CYP4F2: variants seen among roughly 807,000 people sequenced by gnomAD.
CYP4F2 encodes cytochrome P450 family 4 subfamily F member 2.
A neutral mutation model predicts 58.9 loss-of-function variants in CYP4F2; 58 were observed. The observed-to-expected ratio is 0.98, with a 90% CI of 0.80 to 1.23. The LOEUF is 1.23. CYP4F2 is among the 50% of genes most tolerant of loss of function. The pLI, the probability that CYP4F2 is intolerant of heterozygous loss-of-function variation, is 0.00. For missense variants in CYP4F2, 616 were observed against 685.6 expected, an observed-to-expected ratio of 0.90 and a Z score of 1.13; for synonymous variants, 287 against 261.1, an observed-to-expected ratio of 1.10 and a Z score of -0.95.
At chr19:15,893,768 G>C in intron 3 of CYP4F2, 1 of 240,446 alleles carries the variant, frequency 4.2e-6, no homozygotes, top group South Asian at 7.7e-5. Flanking sequence ...TGATGCACGT[G>C]GGGAGAAAGA....
At chr19:15,891,875 C>T (rs1193971886) in intron 5 of CYP4F2, among the ~76,000 whole-genome samples, 3 of 152,152 alleles carry the variant, frequency 2.0e-5, no homozygotes, top group African/African-American at 4.8e-5. Context: ...CCTACCTGAC[C>T]CCCAGCTGCT....
At position 15,897,537 on chromosome 19, in the gene CYP4F2, G is replaced by C. The variant is rs142765310; in HGVS notation, c.75C>G (p.Val25=). Reference sequence around the variant, plus strand: ...CATGGGCCAGGAGCCAGGAGGCCCCGACCAGCAGGAGGAGCAGCCAAGGGG... The same window carrying C: ...CATGGGCCAGGAGCCAGGAGGCCCCCACCAGCAGGAGGAGCAGCCAAGGGG... ...AASPWLLLLL[V]GASWLLAHVL... Residue 25 remains valine (V), a synonymous_variant, in exon 2 of 13, where the codon GTC becomes GTG. Transcript: ENST00000221700. 3.7e-6 allele frequency: 6 copies of C among 1,613,978 alleles called. No individual in the cohort carries two copies. The South Asian group carries it at 5.5e-5, about 15-fold the overall frequency.
Position 15,892,449 on chromosome 19 carries a change from C to G in CYP4F2, c.398-13G>C. ...AGGAGCCCATCCCCTAGCAGGGCAG[C>G]CAAGGGCCATGGGCAAGGACCTCTC... is the stretch of plus-strand genomic sequence containing the variant. On this transcript the variant is annotated splice_polypyrimidine_tract_variant and intron_variant, in intron 4 of 12. Transcript: ENST00000221700. 1 of 1,614,172 alleles carries G rather than the reference C, an allele frequency of 6.2e-7. No homozygotes were observed. Among genetic ancestry groups the G allele is most frequent in the Non-Finnish European group, 8.5e-7 (1 of 1,180,022 alleles).
At chr19:15,897,713 T>C (rs1599359425) in intron 1 of CYP4F2, 101 bp from the exon 2 acceptor site, 1 of 1,429,342 alleles carries the variant, frequency 7.0e-7, no homozygotes, top group Non-Finnish European at 9.5e-7. Flanking sequence ...GTGCCGGAGG[T>C]AGAGCAGGGA....
intron 2 of CYP4F2, among the ~76,000 whole-genome samples, chr19:15,895,914 T>C (rs1342569450): frequency 1.3e-5 from 2 of 150,946 alleles, no homozygotes; most frequent in Non-Finnish European, 3.0e-5. Context: ...ATCCGTCTAA[T>C]CTATCCATCA....
In CYP4F2 at chr19:15,890,934, C is replaced by T. The variant is rs188072426; in HGVS notation, c.526-501G>A. Among the ~76,000 whole-genome samples the T allele has an allele frequency of 2.4e-4, 36 of 152,312 alleles. No individual in the cohort carries two copies. The East Asian group carries it at 6.9e-3, about 29-fold the overall frequency. On this transcript the variant is annotated intron_variant, in intron 5 of 12. Coordinates refer to ENST00000221700, the MANE Select transcript of CYP4F2 (RefSeq NM_001082.5). The stretch of plus-strand genomic sequence containing the variant: ...CAAATTAGACAATACATACTCGTAT[C>T]ATGGAATGGGCACATGGCATTGTTT...
At chr19:15,895,924 A>G (rs1276027053) in intron 2 of CYP4F2, among the ~76,000 whole-genome samples, 2 of 151,990 alleles carry the variant, frequency 1.3e-5, no homozygotes, top group African/African-American at 2.4e-5. Flanking sequence ...TCTATCCATC[A>G]TATATATCTA....
chr19:15,892,929 T>C (rs2089425714), intron 3 of CYP4F2, among the ~76,000 whole-genome samples: 1 of 152,180 alleles, frequency 6.6e-6, no homozygotes, highest in South Asian at 2.1e-4. Context: ...GGACACCCTG[T>C]CTGTCCCAGC....
chr19:15,890,401 A>C lies in CYP4F2; in HGVS notation c.558T>G (p.Ser186Arg), dbSNP rs2145009878. The change falls in exon 6 of 13, where the codon AGT becomes AGG. Residue 186 changes from serine to arginine, a missense_variant. Transcript: ENST00000221700. ...AKWQLLASEG[S>R]ACLDMFEHIS... ...TGTGCTCAAACATATCCAAACAGGC[A>C]CTACCCTCTGAGGCCAGGAGCTGCC... 1 of 1,614,094 alleles carries C rather than the reference A, an allele frequency of 6.2e-7. No individual in the cohort carries two copies. The highest frequency in any genetic ancestry group is 1.6e-4 in the Middle Eastern group (1 of 6,062).
intron 11 of CYP4F2, 55 bp downstream of exon 11, chr19:15,879,549 G>A: frequency 6.2e-7 from 1 of 1,610,878 alleles, no homozygotes; most frequent in Admixed American, 1.7e-5. Flanking sequence ...TCAAAACCCT[G>A]CCCCCTCCTC....
chr19:15,890,262 C>A (rs1703899047), intron 6 of CYP4F2, 50 bp downstream of exon 6: 1 of 1,613,054 alleles, frequency 6.2e-7, no homozygotes, highest in Non-Finnish European at 8.5e-7. Flanking sequence ...CTCCCACCTA[C>A]CCACTTTGGG....
At chr19:15,897,318 TCCCAGCCC>T in intron 2 of CYP4F2, 88 bp downstream of exon 2, 7 of 1,112,528 alleles carry the variant, frequency 6.3e-6, no homozygotes, top group East Asian at 2.7e-5. Flanking sequence ...CCACCCCAGA[TCCCAGCCC>T]ACCCCTTCAC....
chr19:15,881,208 A>G (rs769139567), intron 9 of CYP4F2, among the ~76,000 whole-genome samples: 1 of 152,240 alleles, frequency 6.6e-6, no homozygotes, highest in Non-Finnish European at 1.5e-5. Context: ...GTGGAAGGCA[A>G]ATTGGAAATA....
rs762452050 is a variant in CYP4F2 at position 15,879,604 on chromosome 19, C to A, written c.1314G>T (p.Glu438Asp). 1.9e-6 allele frequency: 3 copies of A among 1,614,102 alleles called. No homozygotes were observed. Among genetic ancestry groups the A allele is most frequent in the East Asian group, 4.5e-5 (2 of 44,858 alleles). ...HHNPAVWPDP[E>D]VYDPFRFDPE... ...AAAAACAGAGAGAGGGGCCCCGCAC[C>A]TCAGGGTCCGGCCACACAGCTGGGT... The change falls in exon 11 of 13, where the codon GAG (glutamate) becomes GAT (aspartate). Residue 438 changes from glutamate to aspartate, a missense_variant and splice_region_variant. By Grantham distance (45) the Glu-to-Asp change is conservative. Transcript: ENST00000221700.
chr19:15,890,703 A>G (rs1342776144), intron 5 of CYP4F2, among the ~76,000 whole-genome samples: 1 of 152,094 alleles, frequency 6.6e-6, no homozygotes. Flanking sequence ...ACCCTCCCCT[A>G]TATCCTGCCT....
In CYP4F2 at chr19:15,880,482, G is replaced by A. The variant is rs1024370698; in HGVS notation, c.1116-585C>T. 7.9e-5 allele frequency among the ~76,000 whole-genome samples: 12 copies of A among 151,996 alleles called. 1 individual carries two copies. The highest frequency in any genetic ancestry group is 4.2e-4 in the South Asian group (2 of 4,812). On this transcript the variant is annotated intron_variant, in intron 9 of 12. Transcript: ENST00000221700. ...TCTCTACTAAAAATACAAAAACTTA[G>A]CGGGGTATGGTGGAGGGCACCTGTA...
intron 9 of CYP4F2, 78 bp downstream of exon 9, chr19:15,885,846 G>T: frequency 6.5e-7 from 1 of 1,543,682 alleles, no homozygotes; most frequent in Non-Finnish European, 8.7e-7. Context: ...AACAAAAACA[G>T]CTTTTCCTCC....
chr19:15,897,415 A>T lies in CYP4F2; in HGVS notation c.197T>A (p.Met66Lys), dbSNP rs1160682886. The T allele has an allele frequency of 6.3e-7, 1 of 1,589,286 alleles. No individual in the cohort carries two copies. The highest frequency in any genetic ancestry group is 8.6e-7 in the Non-Finnish European group (1 of 1,166,002). Reference protein sequence around the residue: ...RRNWFWGHQGMVNPTEEGMRV... With the variant: ...RRNWFWGHQGKVNPTEEGMRV... ...GACCCATCCTGCTGCCACACTCACC[A>T]TGCCCTGGTGTCCCCAAAACCAGTT... Residue 66 changes from methionine to lysine, a missense_variant and splice_region_variant, in exon 2 of 13, where the codon ATG (methionine) becomes AAG (lysine). Met to Lys is a moderately conservative substitution (Grantham distance 95). Transcript: ENST00000221700.
At chr19:15,891,351 G>T (rs550285319) in intron 5 of CYP4F2, among the ~76,000 whole-genome samples, 1 of 152,258 alleles carries the variant, frequency 6.6e-6, no homozygotes, top group East Asian at 1.9e-4. Context: ...AGAAACACAT[G>T]CTGCTGTCTG....
Sources: allele counts gnomAD v4.1 joint callset (sites outside exome capture counted in the v4.1 genomes callset), GRCh38; gene constraint gnomAD v4.1.1; transcripts MANE v1.5; gene names NCBI Gene and HGNC (gene_info 2026-07-23, HGNC 2026-07-21).